Variants in GAP43 observed in about 807,000 individuals in gnomAD.
GAP43 encodes the protein neuromodulin.
A neutral mutation model predicts 18.6 loss-of-function variants in GAP43; 6 were observed. That is an observed-to-expected ratio of 0.32 (90% CI 0.18 to 0.64). The LOEUF is 0.64. Ranked by LOEUF, GAP43 falls within the 30% of genes least tolerant of loss-of-function variation. The pLI, the probability that GAP43 is intolerant of heterozygous loss-of-function variation, is 0.78. For missense variants in GAP43, 292 were observed against 295.5 expected, an observed-to-expected ratio of 0.99 and a Z score of 0.09; for synonymous variants, 115 against 111.4, an observed-to-expected ratio of 1.03 and a Z score of -0.20.
intron 1 of GAP43, among the ~76,000 whole-genome samples, chr3:115,658,314 CTT>C (rs1220754929): frequency 6.6e-6 from 1 of 152,144 alleles, no homozygotes; most frequent in Non-Finnish European, 1.5e-5. Context: ...GCTTCTTACT[CTT>C]GGGCTTACAA....
In GAP43 at chr3:115,644,727, CAGA is replaced by C. The variant is rs1481162434; in HGVS notation, c.30+21013_30+21015del. On this transcript the variant is annotated intron_variant, in intron 1 of 2. Transcript: ENST00000305124. The surrounding 1 kb of genome is among the most constrained non-coding windows in gnomAD (Gnocchi z 4.2). ...TAAAAATGAATCTCTGAAAACATTC[CAGA>C]AGAAAATTTGATTTGTGGGAATTGA... 6.6e-6 allele frequency among the ~76,000 whole-genome samples: 1 copy of C among 151,890 alleles called. No homozygotes were observed. The highest frequency in any genetic ancestry group is 1.5e-5 in the Non-Finnish European group (1 of 67,918).
intron 1 of GAP43, among the ~76,000 whole-genome samples, chr3:115,645,142 C>A (rs1404341866): frequency 2.6e-5 from 4 of 152,020 alleles, no homozygotes; most frequent in East Asian, 1.9e-4. Context: ...TTCATTTATT[C>A]ATTAGGAAAT....
intron 1 of GAP43, among the ~76,000 whole-genome samples, chr3:115,675,339 G>A (rs1708866875): frequency 6.6e-6 from 1 of 152,144 alleles, no homozygotes. Flanking sequence ...CAAGGTGCTT[G>A]AATTACAAGT....
At chr3:115,664,929 G>C (rs180896907) in intron 1 of GAP43, among the ~76,000 whole-genome samples, 1 of 152,006 alleles carries the variant, frequency 6.6e-6, no homozygotes, top group African/African-American at 2.4e-5. Context: ...TTCTACATGT[G>C]GAAGAATACA....
At chr3:115,666,100 T>C (rs1163826850) in intron 1 of GAP43, among the ~76,000 whole-genome samples, 1 of 152,024 alleles carries the variant, frequency 6.6e-6, no homozygotes, top group African/African-American at 2.4e-5. Context: ...AGTGAATTTC[T>C]ATCACTAAGC....
At chr3:115,663,650 G>A in intron 1 of GAP43, 1 of 1,427,992 alleles carries the variant, frequency 7.0e-7, no homozygotes, top group Non-Finnish European at 9.1e-7. Context: ...CTCAGCCCTT[G>A]CTTAAAAAAT....
At chr3:115,655,088 G>A (rs1349893688) in intron 1 of GAP43, among the ~76,000 whole-genome samples, 2 of 152,204 alleles carry the variant, frequency 1.3e-5, no homozygotes, top group Non-Finnish European at 2.9e-5. Context: ...ATATGTATGA[G>A]TAGAGGGTAG....
intron 1 of GAP43, among the ~76,000 whole-genome samples, chr3:115,665,748 A>C (rs981658585): frequency 6.6e-6 from 1 of 152,098 alleles, no homozygotes; most frequent in African/African-American, 2.4e-5. Context: ...GTGGGGGTGC[A>C]TTGGATATAC....
intron 1 of GAP43, among the ~76,000 whole-genome samples, chr3:115,648,308 C>T (rs1407341539): frequency 6.6e-6 from 1 of 152,060 alleles, no homozygotes; most frequent in African/African-American, 2.4e-5. Flanking sequence ...GCCTCTGAGA[C>T]TGGGACTCCT....
chr3:115,661,704 G>A (rs894874872), intron 1 of GAP43, among the ~76,000 whole-genome samples: 1 of 151,822 alleles, frequency 6.6e-6, no homozygotes, highest in African/African-American at 2.4e-5. Flanking sequence ...TAGCCAGGAT[G>A]GTCTCGATCT....
chr3:115,630,969 T>C (rs1405869221), intron 1 of GAP43, among the ~76,000 whole-genome samples: 1 of 152,154 alleles, frequency 6.6e-6, no homozygotes, highest in African/African-American at 2.4e-5. Flanking sequence ...TGATGGGTCA[T>C]TAGGGGAGAT....
At chr3:115,688,827 C>T (rs377042568) in intron 2 of GAP43, among the ~76,000 whole-genome samples, 2 of 152,228 alleles carry the variant, frequency 1.3e-5, no homozygotes, top group African/African-American at 4.8e-5. Flanking sequence ...TGAATTTATA[C>T]CTGTCCATAT....
intron 2 of GAP43, among the ~76,000 whole-genome samples, chr3:115,688,847 A>G (rs977047562): frequency 6.6e-6 from 1 of 152,244 alleles, no homozygotes; most frequent in East Asian, 1.9e-4. Flanking sequence ...TCAATGCCCC[A>G]CAAAAAACCT....
intron 1 of GAP43, among the ~76,000 whole-genome samples, chr3:115,641,367 TACAC>T (rs1708393073): frequency 6.6e-6 from 1 of 151,754 alleles, no homozygotes; most frequent in Non-Finnish European, 1.5e-5. Context: ...TGTGTGTACA[TACAC>T]ACATAGGAGT....
intron 1 of GAP43, among the ~76,000 whole-genome samples, chr3:115,665,490 A>G (rs1205485143): frequency 6.6e-6 from 1 of 152,130 alleles, no homozygotes; most frequent in East Asian, 1.9e-4. Context: ...TATTTTTTTA[A>G]AGGGGATGGC....
At chr3:115,635,266 G>T in intron 1 of GAP43, among the ~76,000 whole-genome samples, 1 of 152,214 alleles carries the variant, frequency 6.6e-6, no homozygotes, top group East Asian at 1.9e-4. Flanking sequence ...AGTCTTTCAC[G>T]ATAATCCTCT....
chr3:115,653,834 C>T (rs1708550077), intron 1 of GAP43, among the ~76,000 whole-genome samples: 1 of 152,060 alleles, frequency 6.6e-6, no homozygotes, highest in Admixed American at 6.6e-5. Flanking sequence ...AACACTTTGC[C>T]TTGTTCATAT....
chr3:115,665,993 TGTGTGTGTGTG>T (rs1708728275), intron 1 of GAP43, among the ~76,000 whole-genome samples: 12 of 139,472 alleles, frequency 8.6e-5, no homozygotes, highest in East Asian at 7.9e-4. Flanking sequence ...TAAATGAGTG[TGTGTGTGTGTG>T]TGTGTGTGTG....
intron 1 of GAP43, among the ~76,000 whole-genome samples, chr3:115,625,533 G>C (rs1708177214): frequency 6.6e-6 from 1 of 152,136 alleles, no homozygotes; most frequent in African/African-American, 2.4e-5. Flanking sequence ...GTAAGCCAAA[G>C]CCATCCACTT....
Sources: gnomAD v4.1 joint callset for allele counts (sites outside exome capture counted in the v4.1 genomes callset) on GRCh38, gnomAD v4.1.1 for gene constraint, Gnocchi (gnomAD v3.1) non-coding constraint, MANE v1.5 for transcripts, NCBI Gene and HGNC (gene_info 2026-07-23, HGNC 2026-07-21) for gene names.